CDK8: variants seen among roughly 807,000 people sequenced by gnomAD.
The protein encoded by CDK8 is cyclin-dependent kinase 8.
Under a neutral mutation model 71.5 loss-of-function variants are expected in CDK8, and 29 were observed. The observed-to-expected ratio is 0.41, with a 90% CI of 0.30 to 0.55. The LOEUF is 0.55. Among genes scored for constraint, CDK8 ranks in the 20% least tolerant of loss-of-function variants. The pLI is 0.37. For missense variants in CDK8, 288 were observed against 572.6 expected (o/e 0.50, Z 5.07); for synonymous variants, 161 against 192.1 (o/e 0.84, Z 1.34).
intron 1 of CDK8, among the ~76,000 whole-genome samples, chr13:26,309,161 A>T (rs1394904762): frequency 7.0e-6 from 1 of 143,620 alleles, no homozygotes; most frequent in African/African-American, 2.6e-5. Flanking sequence ...TTTTTTTGAG[A>T]CGGAGTCTTG....
At chr13:26,381,306 C>T (rs1160439248) in intron 4 of CDK8, among the ~76,000 whole-genome samples, 1 of 152,184 alleles carries the variant, frequency 6.6e-6, no homozygotes, top group Non-Finnish European at 1.5e-5. Flanking sequence ...TCTGGCTTCT[C>T]TCTGAAGTAG....
intron 4 of CDK8, among the ~76,000 whole-genome samples, chr13:26,375,530 G>T (rs574752454): frequency 2.0e-5 from 3 of 152,284 alleles, no homozygotes; most frequent in Admixed American, 2.0e-4. Context: ...ATCTACCTAT[G>T]CATATATCTT....
chr13:26,352,694 G>A (rs538397570), intron 3 of CDK8, among the ~76,000 whole-genome samples: 1 of 152,200 alleles, frequency 6.6e-6, no homozygotes, highest in African/African-American at 2.4e-5. Context: ...ATTTAGATTA[G>A]TCATACTACA....
intron 4 of CDK8, among the ~76,000 whole-genome samples, chr13:26,366,019 T>C (rs1874372202): frequency 6.6e-6 from 1 of 152,108 alleles, no homozygotes; most frequent in Non-Finnish European, 1.5e-5. Flanking sequence ...TTTCTAGTAA[T>C]AGAGTCAGGT....
In CDK8 at chr13:26,374,043, A is replaced by AAAAAAAAAAAAT. The variant is rs147290719; in HGVS notation, c.457-8770_457-8769insAAAAAAAAAATA. 8.0e-5 allele frequency among the ~76,000 whole-genome samples: 9 copies of AAAAAAAAAAAAT among 111,846 alleles called. 1 individual carries two copies. Among genetic ancestry groups the AAAAAAAAAAAAT allele is most frequent in the Non-Finnish European group, 1.1e-4 (6 of 56,738 alleles). 73.4% of individuals were successfully genotyped at this position (111,846 alleles called of 152,430 possible). On this transcript the variant is annotated intron_variant, in intron 4 of 12. Coordinates refer to ENST00000381527, the MANE Select transcript of CDK8 (RefSeq NM_001260.3). ...AAAAAAAAAAAAAAAAAAAACAAAA[A>AAAAAAAAAAAAT]ACAAAAAATTAGCTGGGCGTGGTGG...
chr13:26,339,756 A>ATATATATATATATAT (rs57119146), intron 2 of CDK8, among the ~76,000 whole-genome samples: 2 of 142,998 alleles, frequency 1.4e-5, no homozygotes, highest in African/African-American at 5.1e-5. Flanking sequence ...TTAAAAAAAA[A>ATATATATATATATAT]ATATATATAT....
chr13:26,347,950 A>G (rs528579173), intron 2 of CDK8, among the ~76,000 whole-genome samples: 9 of 152,282 alleles, frequency 5.9e-5, no homozygotes, highest in Non-Finnish European at 1.3e-4. Flanking sequence ...TGCTCAAAGC[A>G]TTGAAAGCAG....
intron 1 of CDK8, among the ~76,000 whole-genome samples, chr13:26,306,517 A>G (rs1874046739): frequency 1.3e-5 from 2 of 151,664 alleles, no homozygotes; most frequent in Admixed American, 6.6e-5. Context: ...CTTTCTTTTT[A>G]AAAGAAATGT....
intron 4 of CDK8, among the ~76,000 whole-genome samples, chr13:26,367,562 T>G (rs1874449784): frequency 6.6e-6 from 1 of 152,134 alleles, no homozygotes; most frequent in East Asian, 1.9e-4. Flanking sequence ...TTTTTTCCTT[T>G]GGGTAGAGAT....
chr13:26,348,877 CTGT>C (rs2137991528), intron 2 of CDK8, among the ~76,000 whole-genome samples, 192 bp from the exon 3 acceptor site: 1 of 152,190 alleles, frequency 6.6e-6, no homozygotes, highest in South Asian at 2.1e-4. Flanking sequence ...CAGATAATAC[CTGT>C]TCAGTGTCTT....
intron 1 of CDK8, among the ~76,000 whole-genome samples, chr13:26,263,599 C>T (rs991309525): frequency 1.3e-5 from 2 of 151,676 alleles, no homozygotes; most frequent in Non-Finnish European, 2.9e-5. Context: ...GTGCCACCAG[C>T]CTGGCAGATT....
intron 1 of CDK8, among the ~76,000 whole-genome samples, chr13:26,270,423 C>T (rs1205042853): frequency 6.6e-6 from 1 of 151,592 alleles, no homozygotes; most frequent in Non-Finnish European, 1.5e-5. Context: ...CACACACATA[C>T]ACAGTTTAGT....
At chr13:26,331,025 C>G (rs563748968) in intron 1 of CDK8, among the ~76,000 whole-genome samples, 2 of 152,276 alleles carry the variant, frequency 1.3e-5, no homozygotes, top group South Asian at 4.1e-4. Flanking sequence ...ATGCCATTTT[C>G]TATAGTGGCT....
intron 2 of CDK8, among the ~76,000 whole-genome samples, chr13:26,344,863 T>TA (rs903217958): frequency 1.5e-4 from 22 of 148,998 alleles, no homozygotes; most frequent in East Asian, 5.9e-4. Context: ...ACAGTTAACT[T>TA]AAAAAAAAAA....
chr13:26,298,181 T>A (rs1169745926), intron 1 of CDK8, among the ~76,000 whole-genome samples: 1 of 152,018 alleles, frequency 6.6e-6, no homozygotes, highest in African/African-American at 2.4e-5. Context: ...ACATTATGAG[T>A]TCTTGGCAAG....
intron 2 of CDK8, among the ~76,000 whole-genome samples, chr13:26,346,028 G>A (rs1435819205): frequency 6.6e-6 from 1 of 152,128 alleles, no homozygotes; most frequent in Non-Finnish European, 1.5e-5. Context: ...ATTCCTCTAG[G>A]ATGTTAGCTC....
rs181100027 is a variant in CDK8 at position 26,257,304 on chromosome 13, G to A, written c.128+2535G>A. Among the ~76,000 whole-genome samples the A allele has an allele frequency of 1.7e-3, 262 of 152,252 alleles. 5 individuals carry two copies. Among genetic ancestry groups the A allele is most frequent in the African/African-American group, 6.2e-3 (256 of 41,564 alleles). On this transcript the variant is annotated intron_variant, in intron 1 of 12. Coordinates refer to ENST00000381527, the MANE Select transcript of CDK8 (RefSeq NM_001260.3). ...AACGTTGTATCCTTTCAGTTGCCCA[G>A]TGAGCATAGAACATGAATAATTGGT...
At chr13:26,329,607 A>G (rs1208878688) in intron 1 of CDK8, among the ~76,000 whole-genome samples, 1 of 151,086 alleles carries the variant, frequency 6.6e-6, no homozygotes, top group Non-Finnish European at 1.5e-5. Context: ...GGTTCAAGTG[A>G]TTCTCCTGCC....
intron 1 of CDK8, among the ~76,000 whole-genome samples, chr13:26,326,202 T>C (rs1299474637): frequency 6.6e-6 from 1 of 152,188 alleles, no homozygotes; most frequent in African/African-American, 2.4e-5. Flanking sequence ...AGTAGTTAAA[T>C]GTAATTGCCC....
Sources: gnomAD v4.1 joint callset for allele counts (sites outside exome capture counted in the v4.1 genomes callset) on GRCh38, gnomAD v4.1.1 for gene constraint, MANE v1.5 for transcripts, NCBI Gene and HGNC (gene_info 2026-07-23, HGNC 2026-07-21) for gene names.